Variants in STK32B observed in about 807,000 individuals in gnomAD.
STK32B encodes the protein serine/threonine kinase 32B.
A neutral mutation model predicts 52.6 loss-of-function variants in STK32B; 43 were observed. The ratio of observed to expected loss-of-function variants is 0.82; its 90% CI spans 0.64 to 1.05. The LOEUF (loss-of-function observed/expected upper bound fraction) is 1.05, where lower values mean the gene tolerates loss of function less well. Ranked by LOEUF, STK32B falls within the 50% of genes least tolerant of loss-of-function variation. STK32B has a pLI of 0.00. For missense variants in STK32B, 621 were observed against 534.6 expected, an observed-to-expected ratio of 1.16 and a Z score of -1.59; for synonymous variants, 238 against 204.3, an observed-to-expected ratio of 1.17 and a Z score of -1.41.
intron 5 of STK32B, among the ~76,000 whole-genome samples, chr4:5,404,094 G>C (rs1737493763): frequency 6.6e-6 from 1 of 152,068 alleles, no homozygotes; most frequent in African/African-American, 2.4e-5. Context: ...TGGTATGTGA[G>C]ACACTGAGGA....
intron 3 of STK32B, among the ~76,000 whole-genome samples, chr4:5,256,061 G>C (rs1386510918): frequency 2.6e-5 from 4 of 152,124 alleles, no homozygotes; most frequent in Non-Finnish European, 5.9e-5. Context: ...CTAATACTCT[G>C]AGATTAGAAG....
At chr4:5,295,116 G>T (rs1364492512) in intron 3 of STK32B, among the ~76,000 whole-genome samples, 1 of 152,150 alleles carries the variant, frequency 6.6e-6, no homozygotes, top group Non-Finnish European at 1.5e-5. Flanking sequence ...GCATCCCAGG[G>T]ATGAAGCCAA....
chr4:5,435,370 C>A lies in STK32B; in HGVS notation c.563-11303C>A, dbSNP rs1448440978. ...TTGCTGTCCCGGTGAGCCAGGGCTG[C>A]CCCTAGAGCTGCCTTTATCACACAC... On this transcript the variant is annotated intron_variant, in intron 6 of 11. Coordinates refer to ENST00000282908, the MANE Select transcript of STK32B (RefSeq NM_018401.3). 3.9e-5 allele frequency among the ~76,000 whole-genome samples: 6 copies of A among 152,188 alleles called. No homozygotes were observed. The East Asian group carries it at 1.2e-3, about 29-fold the overall frequency.
At chr4:5,221,910 C>T in intron 3 of STK32B, among the ~76,000 whole-genome samples, 1 of 151,502 alleles carries the variant, frequency 6.6e-6, no homozygotes, top group Middle Eastern at 3.4e-3. Context: ...TTAAGTGGAG[C>T]CTTTAAGAGA....
chr4:5,322,554 A>G (rs1157607638), intron 3 of STK32B, among the ~76,000 whole-genome samples: 5 of 152,222 alleles, frequency 3.3e-5, no homozygotes, highest in African/African-American at 1.2e-4. Flanking sequence ...CCACAGAGTC[A>G]TCTCTGGGCA....
At chr4:5,097,181 G>A (rs1338149124) in intron 1 of STK32B, among the ~76,000 whole-genome samples, 1 of 152,168 alleles carries the variant, frequency 6.6e-6, no homozygotes, top group African/African-American at 2.4e-5. Flanking sequence ...AATGGAAAAG[G>A]GAACGTAACA....
intron 4 of STK32B, among the ~76,000 whole-genome samples, chr4:5,391,830 C>G (rs1486077579): frequency 1.3e-5 from 2 of 152,246 alleles, no homozygotes; most frequent in African/African-American, 4.8e-5. Context: ...TCTGCCTCCC[C>G]TCTCATGCAT....
chr4:5,234,850 T>G (rs958112412), intron 3 of STK32B, among the ~76,000 whole-genome samples: 5 of 152,238 alleles, frequency 3.3e-5, no homozygotes, highest in African/African-American at 4.8e-5. Context: ...TACATTTTTC[T>G]AAGAAATCTT....
chr4:5,330,956 T>C (rs1322022778), intron 3 of STK32B, among the ~76,000 whole-genome samples: 1 of 152,200 alleles, frequency 6.6e-6, no homozygotes, highest in African/African-American at 2.4e-5. Context: ...AACTGTCATC[T>C]GTCTGCCAGA....
chr4:5,449,917 G>A (rs796700319), intron 7 of STK32B, among the ~76,000 whole-genome samples: 1 of 152,078 alleles, frequency 6.6e-6, no homozygotes, highest in East Asian at 1.9e-4. Context: ...CTACATTATG[G>A]TGAGTTGTAT....
At chr4:5,284,881 T>C (rs1182979193) in intron 3 of STK32B, among the ~76,000 whole-genome samples, 2 of 152,146 alleles carry the variant, frequency 1.3e-5, no homozygotes, top group Middle Eastern at 3.2e-3. Flanking sequence ...CATGGACCCA[T>C]ACAAAGTGCC....
At chr4:5,340,010 C>G (rs1219008362) in intron 4 of STK32B, among the ~76,000 whole-genome samples, 1 of 152,188 alleles carries the variant, frequency 6.6e-6, no homozygotes, top group Non-Finnish European at 1.5e-5. Flanking sequence ...TAGGGCATAG[C>G]CTAGTGACTT....
chr4:5,171,532 C>G (rs1011691828), intron 3 of STK32B, among the ~76,000 whole-genome samples: 1 of 152,182 alleles, frequency 6.6e-6, no homozygotes, highest in East Asian at 1.9e-4. Context: ...ATATGGCTAG[C>G]CAGTTTTCCC....
intron 2 of STK32B, 91 bp from the exon 3 acceptor site, chr4:5,168,208 A>G (rs1034291074): frequency 1.9e-5 from 29 of 1,488,388 alleles, no homozygotes; most frequent in Middle Eastern, 3.6e-4. Context: ...ACGTGAATCC[A>G]GAAGTAAAAA....
chr4:5,442,386 G>A (rs1714871530), intron 6 of STK32B, among the ~76,000 whole-genome samples: 1 of 151,860 alleles, frequency 6.6e-6, no homozygotes, highest in Non-Finnish European at 1.5e-5. Flanking sequence ...TTTGATCTTT[G>A]TTGGTTTAAA....
intron 2 of STK32B, among the ~76,000 whole-genome samples, chr4:5,144,538 C>G (rs775933863): frequency 2.6e-5 from 4 of 152,112 alleles, no homozygotes; most frequent in Non-Finnish European, 4.4e-5. Flanking sequence ...GTTGTGTATA[C>G]TTAAGTTCCC....
In STK32B at chr4:5,168,227, G is replaced by A. The variant is rs918188549; in HGVS notation, c.109-72G>A. On this transcript the variant is annotated intron_variant, in intron 2 of 11. Transcript: ENST00000282908. ...GAATCCAGAAGTAAAAATGCAGTGC[G>A]GGGTGACATTTCTCCTTTGTCTCCC... 2.7e-5 allele frequency: 41 copies of A among 1,541,666 alleles called. 1 individual carries two copies. The highest frequency in any genetic ancestry group is 1.5e-4 in the African/African-American group (11 of 73,684).
chr4:5,437,087 A>G (rs4689230), intron 6 of STK32B, among the ~76,000 whole-genome samples: 14,280 of 152,264 alleles, frequency 0.094, 1,028 homozygotes, highest in East Asian at 0.4. Context: ...CAATCCCCAG[A>G]TAACTCAATT....
chr4:5,341,045 C>A (rs944564244), intron 4 of STK32B, among the ~76,000 whole-genome samples: 3 of 152,182 alleles, frequency 2.0e-5, no homozygotes, highest in Non-Finnish European at 4.4e-5. Flanking sequence ...TGCTGATGAC[C>A]ACTGAGCATA....
Sources: gnomAD v4.1 joint callset for allele counts (sites outside exome capture counted in the v4.1 genomes callset) on GRCh38, gnomAD v4.1.1 for gene constraint, MANE v1.5 for transcripts, NCBI Gene and HGNC (gene_info 2026-07-23, HGNC 2026-07-21) for gene names.